CSGALNACT2: variants seen among roughly 807,000 people sequenced by gnomAD.
CSGALNACT2 encodes the protein beta 4 GalNAcT-2.
CSGALNACT2 carries 35 observed loss-of-function variants against 55.3 expected under a neutral mutation model. The observed-to-expected ratio is 0.63, with a 90% CI of 0.48 to 0.84. CSGALNACT2 has a LOEUF of 0.84. CSGALNACT2 is among the 40% of genes least tolerant of loss of function. The pLI is 0.00. For synonymous variants in CSGALNACT2, 196 were observed against 224.9 expected, an observed-to-expected ratio of 0.87 and a Z score of 1.15; for missense variants, 544 against 657.5, an observed-to-expected ratio of 0.83 and a Z score of 1.89.
intron 1 of CSGALNACT2, among the ~76,000 whole-genome samples, chr10:43,141,300 C>G (rs955579143): frequency 1.3e-5 from 2 of 152,080 alleles, no homozygotes; most frequent in Admixed American, 1.3e-4. Flanking sequence ...TTACTGCGAG[C>G]TCCACCTCCC....
intron 1 of CSGALNACT2, among the ~76,000 whole-genome samples, chr10:43,152,809 C>T (rs1838905438): frequency 6.6e-6 from 1 of 152,140 alleles, no homozygotes; most frequent in African/African-American, 2.4e-5. Flanking sequence ...TATGTCTCCA[C>T]ATTTTCAGTT....
Position 43,155,096 on chromosome 10 carries a change from A to G in CSGALNACT2, c.-54A>G. ...TTTAATTTTTGATAACTTTTTACTAAAGGTATGAACACACAAAGAGCTTAT... is the reference window on the plus strand; with the variant it reads ...TTTAATTTTTGATAACTTTTTACTAGAGGTATGAACACACAAAGAGCTTAT... On this transcript the variant is annotated 5_prime_UTR_variant, in exon 2 of 8. Transcript: ENST00000374466. 1 of 1,334,586 alleles carries G rather than the reference A, an allele frequency of 7.5e-7. No homozygotes were observed. The highest frequency in any genetic ancestry group is 1.5e-5 in the African/African-American group (1 of 67,832). 82.7% of individuals were successfully genotyped at this position (1,334,586 alleles called of 1,614,324 possible). A position where few individuals can be genotyped will look rare whatever the true frequency, so the allele number is the denominator to read the frequency against.
chr10:43,143,534 TGTGG>T (rs1169574142), intron 1 of CSGALNACT2, among the ~76,000 whole-genome samples: 19 of 145,398 alleles, frequency 1.3e-4, no homozygotes, highest in Admixed American at 4.1e-4. Context: ...TGTGTGTGTG[TGTGG>T]AATCATAATA....
At chr10:43,177,445 A>G (rs373210083) in intron 7 of CSGALNACT2, among the ~76,000 whole-genome samples, 8 of 152,236 alleles carry the variant, frequency 5.3e-5, no homozygotes, top group South Asian at 4.1e-4. Context: ...TTTCCCCCCA[A>G]ACTTAGGCAT....
At chr10:43,180,265 T>C (rs1219851550) in intron 7 of CSGALNACT2, among the ~76,000 whole-genome samples, 7 of 152,266 alleles carry the variant, frequency 4.6e-5, no homozygotes, top group African/African-American at 1.4e-4. Context: ...CTTTTGTAGT[T>C]GTCCCACCGT....
intron 7 of CSGALNACT2, among the ~76,000 whole-genome samples, chr10:43,182,886 C>CA (rs67581450): frequency 1.4e-5 from 2 of 146,442 alleles, no homozygotes; most frequent in East Asian, 4.0e-4. Flanking sequence ...AAAAAAAAAA[C>CA]AAAAAAAAAA....
intron 1 of CSGALNACT2, among the ~76,000 whole-genome samples, chr10:43,148,659 G>A (rs1284349029): frequency 2.6e-5 from 4 of 151,756 alleles, no homozygotes; most frequent in African/African-American, 9.7e-5. Flanking sequence ...ATACAGGATT[G>A]TTTTTTTAAT....
chr10:43,162,681 G>A, intron 4 of CSGALNACT2: 3 of 985,276 alleles, frequency 3.0e-6, no homozygotes, highest in Non-Finnish European at 3.6e-6. Flanking sequence ...TTTTGATTAG[G>A]CTGCACCCTA....
Position 43,183,962 on chromosome 10 carries a change from GTATCT to G in CSGALNACT2, c.*422_*426del, listed in dbSNP as rs1301400815. On this transcript the variant is annotated 3_prime_UTR_variant, in exon 8 of 8. Coordinates refer to ENST00000374466, the MANE Select transcript of CSGALNACT2 (RefSeq NM_018590.5). ...CGTTATGAGCATAGTATGTGGATAG[GTATCT>G]TCACCTGCCCGCCCCTGAGTCAGCC... 2 of 164,928 alleles carry G rather than the reference GTATCT, an allele frequency of 1.2e-5. No individual in the cohort carries two copies. The highest frequency in any genetic ancestry group is 4.8e-5 in the African/African-American group (2 of 41,744). 10.2% of individuals were successfully genotyped at this position (164,928 alleles called of 1,614,324 possible).
In CSGALNACT2 at chr10:43,155,706, C is replaced by T. The variant is rs760121385; in HGVS notation, c.557C>T (p.Ala186Val). The T allele has an allele frequency of 8.8e-5, 142 of 1,613,956 alleles. No individual in the cohort carries two copies. Among genetic ancestry groups the T allele is most frequent in the Non-Finnish European group, 1.1e-4 (125 of 1,180,004 alleles). Residue 186 changes from alanine (A) to valine (V), a missense_variant, in exon 2 of 8, where the codon GCG (alanine) becomes GTG (valine). Coordinates refer to ENST00000374466, the MANE Select transcript of CSGALNACT2 (RefSeq NM_018590.5). Reference sequence around the variant, plus strand: ...GATGAATTGGTGGAAGTTATTGAAGCGGGCTTGGAGGTCATTAATAATCCT... The same window carrying T: ...GATGAATTGGTGGAAGTTATTGAAGTGGGCTTGGAGGTCATTAATAATCCT... Reference protein sequence around the residue: ...KRDELVEVIEAGLEVINNPDE... With the variant: ...KRDELVEVIEVGLEVINNPDE...
intron 2 of CSGALNACT2, among the ~76,000 whole-genome samples, chr10:43,156,899 G>C (rs540730085): frequency 6.6e-6 from 1 of 152,208 alleles, no homozygotes; most frequent in African/African-American, 2.4e-5. Context: ...TGGCCTGGGG[G>C]TTAGGGACCC....
intron 2 of CSGALNACT2, among the ~76,000 whole-genome samples, chr10:43,156,306 A>T (rs1839007690): frequency 6.6e-6 from 1 of 152,244 alleles, no homozygotes; most frequent in South Asian, 2.1e-4. Context: ...TGGCATTTGG[A>T]AAAGTAAGGA....
intron 1 of CSGALNACT2, among the ~76,000 whole-genome samples, chr10:43,142,251 G>C (rs1838644889): frequency 6.6e-6 from 1 of 151,578 alleles, no homozygotes; most frequent in African/African-American, 2.4e-5. Context: ...TCACTCTGTT[G>C]CCCAGGCTGG....
chr10:43,165,661 T>C (rs1839249258), intron 5 of CSGALNACT2, among the ~76,000 whole-genome samples: 1 of 152,030 alleles, frequency 6.6e-6, no homozygotes, highest in Non-Finnish European at 1.5e-5. Flanking sequence ...CCAGGCATGG[T>C]GGCTGAATGC....
chr10:43,159,016 A>G, intron 3 of CSGALNACT2, 85 bp downstream of exon 3: 1 of 746,846 alleles, frequency 1.3e-6, no homozygotes, highest in East Asian at 2.6e-5. Flanking sequence ...ATCTTCACCG[A>G]TTATAATTAC....
chr10:43,174,454 A>C (rs1467858856), intron 6 of CSGALNACT2, among the ~76,000 whole-genome samples: 1 of 151,866 alleles, frequency 6.6e-6, no homozygotes, highest in Non-Finnish European at 1.5e-5. Flanking sequence ...GCCAGAACCA[A>C]CTCCATGTTG....
chr10:43,142,141 T>C (rs1838641400), intron 1 of CSGALNACT2, among the ~76,000 whole-genome samples: 1 of 152,254 alleles, frequency 6.6e-6, no homozygotes, highest in Admixed American at 6.5e-5. Flanking sequence ...TGTTTTAGTA[T>C]AGCCTGTGAT....
intron 7 of CSGALNACT2, among the ~76,000 whole-genome samples, chr10:43,178,077 A>G (rs1429237997): frequency 6.6e-6 from 1 of 152,194 alleles, no homozygotes. Flanking sequence ...ATGTCTGTTC[A>G]GATCCTTTGC....
At chr10:43,171,279 AAATT>A (rs1346734363) in intron 6 of CSGALNACT2, among the ~76,000 whole-genome samples, 2 of 152,212 alleles carry the variant, frequency 1.3e-5, no homozygotes, top group African/African-American at 4.8e-5. Flanking sequence ...TTGTATATTA[AAATT>A]AATTAAAACA....
Sources: allele counts gnomAD v4.1 joint callset (sites outside exome capture counted in the v4.1 genomes callset), GRCh38; gene constraint gnomAD v4.1.1; transcripts MANE v1.5; gene names NCBI Gene and HGNC (gene_info 2026-07-23, HGNC 2026-07-21).